The following ABCC3 variants were observed in gnomAD, a reference collection of about 807,000 sequenced individuals.
ABCC3 encodes the protein ATP binding cassette subfamily C member 3, also known as ATP-binding cassette sub-family C member 3.
Under a neutral mutation model 165.3 loss-of-function variants are expected in ABCC3, and 121 were observed. The observed-to-expected ratio is 0.73, with a 90% CI of 0.63 to 0.85. The LOEUF (loss-of-function observed/expected upper bound fraction) is 0.85, where lower values mean the gene tolerates loss of function less well. Ranked by LOEUF, ABCC3 falls within the 40% of genes least tolerant of loss-of-function variation. The pLI, the probability that ABCC3 is intolerant of heterozygous loss-of-function variation, is 0.00. For missense variants in ABCC3, 1,869 were observed against 1,964.1 expected (o/e 0.95, Z 0.92); for synonymous variants, 733 against 810.1 (o/e 0.90, Z 1.62).
rs756524566 is a variant in ABCC3 at position 50,667,726 on chromosome 17, C to T, written c.1604C>T (p.Thr535Ile). The T allele has an allele frequency of 1.2e-6, 2 of 1,614,084 alleles. No individual in the cohort carries two copies. Among genetic ancestry groups the T allele is most frequent in the Admixed American group, 3.3e-5 (2 of 60,026 alleles). ...ACGGCGGCCTACCTCCACACCACAA[C>T]CACCTTCACCTGGATGTGCAGCCCC... ...LRTAAYLHTT[T>I]TFTWMCSPFL... The change falls in exon 12 of 31, where the codon ACC becomes ATC. Residue 535 changes from threonine (T) to isoleucine (I), a missense_variant. Thr to Ile is a moderately conservative substitution (Grantham distance 89). Coordinates refer to ENST00000285238, the MANE Select transcript of ABCC3 (RefSeq NM_003786.4).
At chr17:50,665,116 G>A (rs780999683) in intron 10 of ABCC3, 37 bp from the exon 11 acceptor site, 3 of 1,581,090 alleles carry the variant, frequency 1.9e-6, no homozygotes, top group Admixed American at 3.3e-5. Context: ...TTGGTAATCT[G>A]TCCCTATGTG....
intron 26 of ABCC3, among the ~76,000 whole-genome samples, chr17:50,681,333 C>T (rs1232150734): frequency 6.6e-6 from 1 of 152,172 alleles, no homozygotes; most frequent in Non-Finnish European, 1.5e-5. Context: ...TTTAAACCCG[C>T]CTGTGTCTCC....
Position 50,667,703 on chromosome 17 carries a change from G to A in ABCC3, c.1581G>A (p.Thr527=), listed in dbSNP as rs11568603. 1.1e-5 allele frequency: 17 copies of A among 1,613,958 alleles called. No individual in the cohort carries two copies. Among genetic ancestry groups the A allele is most frequent in the East Asian group, 2.2e-5 (1 of 44,892 alleles). ...IRQGELQLLR[T]AAYLHTTTTF... ...AGGGTGAGCTCCAGCTGCTGCGCAC[G>A]GCGGCCTACCTCCACACCACAACCA... is the stretch of plus-strand genomic sequence containing the variant. The change falls in exon 12 of 31, where the codon ACG becomes ACA. Residue 527 remains threonine (T), a synonymous_variant. Transcript: ENST00000285238.
In ABCC3 at chr17:50,673,106, G is replaced by A. The variant is rs139106724; in HGVS notation, c.2377G>A (p.Val793Ile). Reference protein sequence around the residue: ...SHVAKHIFDHVIGPEGVLAGK... With the variant: ...SHVAKHIFDHIIGPEGVLAGK... ...TGTGGCCAAGCACATCTTTGACCAC[G>A]TCATCGGGCCAGAAGGCGTGCTGGC... Residue 793 changes from valine to isoleucine, a missense_variant, in exon 18 of 31, where the codon GTC becomes ATC. By Grantham distance (29) the Val-to-Ile change is conservative. Coordinates refer to ENST00000285238, the MANE Select transcript of ABCC3 (RefSeq NM_003786.4). The A allele has an allele frequency of 1.0e-4, 168 of 1,614,002 alleles. No individual in the cohort carries two copies. The highest frequency in any genetic ancestry group is 1.2e-4 in the Non-Finnish European group (142 of 1,180,050).
At chr17:50,654,622 TC>T (rs1244679417) in intron 1 of ABCC3, among the ~76,000 whole-genome samples, 3 of 152,150 alleles carry the variant, frequency 2.0e-5, no homozygotes, top group Admixed American at 6.5e-5. Context: ...TTCCTGTGAG[TC>T]TCAAATCCAC....
chr17:50,644,350 G>T (rs971660018), intron 1 of ABCC3, among the ~76,000 whole-genome samples: 2 of 150,450 alleles, frequency 1.3e-5, no homozygotes, highest in Admixed American at 1.3e-4. Context: ...GGGAAGGCAG[G>T]CTGGGGAGGT....
intron 22 of ABCC3, 28 bp downstream of exon 22, chr17:50,676,118 G>A: frequency 2.5e-6 from 4 of 1,612,130 alleles, no homozygotes; most frequent in Non-Finnish European, 3.4e-6. Flanking sequence ...TCCAGAAGGG[G>A]CTCCAATATC....
At chr17:50,685,570 TATTTCAAC>T (rs1399646759) in intron 29 of ABCC3, among the ~76,000 whole-genome samples, 2 of 152,178 alleles carry the variant, frequency 1.3e-5, no homozygotes, top group African/African-American at 4.8e-5. Context: ...TCTAAAATAT[TATTTCAAC>T]ACATCATTGA....
chr17:50,659,238 A>G lies in ABCC3; in HGVS notation c.676A>G (p.Met226Val), dbSNP rs764568095. The G allele has an allele frequency of 3.7e-6, 6 of 1,613,366 alleles. No individual in the cohort carries two copies. Among genetic ancestry groups the G allele is most frequent in the Non-Finnish European group, 4.2e-6 (5 of 1,179,656 alleles). Residue 226 changes from methionine to valine, a missense_variant and splice_region_variant, in exon 7 of 31, where the codon ATG becomes GTG. Transcript: ENST00000285238. ...CTGCCGGGCTTCACCTCCCCCCAGG[A>G]TGGCCATCTATGGCTACCGGCATCC... is the stretch of plus-strand genomic sequence containing the variant. ...SRLFFWWFTK[M>V]AIYGYRHPLE...
chr17:50,676,885 TTGGG>T (rs56393803), intron 23 of ABCC3, among the ~76,000 whole-genome samples: 45,954 of 99,314 alleles, frequency 0.46, 8,293 homozygotes, highest in South Asian at 0.63. Context: ...CTTTTTTTTT[TTGGG>T]GGGGGGGGGA....
intron 1 of ABCC3, chr17:50,635,585 C>T (rs1307506397): frequency 1.4e-6 from 1 of 702,572 alleles, no homozygotes; most frequent in Admixed American, 2.0e-5. Context: ...GAGAAGCAGA[C>T]CCCAGTCTGG....
At position 50,683,760 on chromosome 17, in the gene ABCC3, C is replaced by A; in HGVS notation, c.3954+4C>A. The A allele has an allele frequency of 6.2e-7, 1 of 1,602,786 alleles. No individual in the cohort carries two copies. Among genetic ancestry groups the A allele is most frequent in the Non-Finnish European group, 8.5e-7 (1 of 1,176,006 alleles). On this transcript the variant is annotated splice_donor_region_variant and intron_variant, in intron 27 of 30. Transcript: ENST00000285238. The stretch of plus-strand genomic sequence containing the variant: ...GCATGTGCACGGTGGCGAGAAGGTA[C>A]GCGTGGGGTAGGCGGGCCTGCGTGT...
chr17:50,654,610 G>T (rs1382801079), intron 1 of ABCC3, among the ~76,000 whole-genome samples: 1 of 152,074 alleles, frequency 6.6e-6, no homozygotes, highest in Non-Finnish European at 1.5e-5. Flanking sequence ...CATATCCTTT[G>T]GTTCCTGTGA....
chr17:50,674,699 T>C (rs912239890), intron 19 of ABCC3, among the ~76,000 whole-genome samples: 15 of 152,142 alleles, frequency 9.9e-5, no homozygotes, highest in Admixed American at 2.0e-4. Flanking sequence ...TTCTTGCCTA[T>C]GGCTATACAT....
chr17:50,635,064 G>C, intron 1 of ABCC3, 83 bp downstream of exon 1: 1 of 1,228,948 alleles, frequency 8.1e-7, no homozygotes, highest in South Asian at 3.6e-5. Flanking sequence ...CCTTCCCGCG[G>C]GGCCGGCAGG....
In ABCC3 at chr17:50,678,169, A is replaced by G. The variant is rs1967865541; in HGVS notation, c.3655A>G (p.Ser1219Gly). The change falls in exon 25 of 31, where the codon AGC (serine) becomes GGC (glycine). Residue 1219 changes from serine to glycine, a missense_variant. By Grantham distance (56) the Ser-to-Gly change is moderately conservative. Transcript: ENST00000285238. ...FAALFAVIGR[S>G]SLNPGLVGLS... is the part of the protein sequence containing the mutation. ...TGCACTATTTGCCGTCATCGGGAGGAGCAGCCTGAACCCGGGGCTGGTGGG... is the reference window on the plus strand; with the variant it reads ...TGCACTATTTGCCGTCATCGGGAGGGGCAGCCTGAACCCGGGGCTGGTGGG... The G allele has an allele frequency of 6.5e-7, 1 of 1,549,092 alleles. No homozygotes were observed. The highest frequency in any genetic ancestry group is 8.7e-7 in the Non-Finnish European group (1 of 1,147,958).
At chr17:50,658,287 A>C in intron 5 of ABCC3, 80 bp downstream of exon 5, 2 of 1,605,428 alleles carry the variant, frequency 1.2e-6, no homozygotes, top group Non-Finnish European at 1.7e-6. Flanking sequence ...CAACCCCTCC[A>C]GTTCCTTTCA....
At chr17:50,669,303 C>T in intron 16 of ABCC3, 37 bp downstream of exon 16, 1 of 1,614,112 alleles carries the variant, frequency 6.2e-7, no homozygotes, top group South Asian at 1.1e-5. Context: ...GGGTGTGGGG[C>T]TCAGCCAGGC....
At chr17:50,652,822 C>T (rs1468573022) in intron 1 of ABCC3, among the ~76,000 whole-genome samples, 2 of 152,162 alleles carry the variant, frequency 1.3e-5, no homozygotes, top group African/African-American at 4.8e-5. Flanking sequence ...TGCTCCTGGA[C>T]CCAGTCCTAC....
Sources: allele counts gnomAD v4.1 joint callset (sites outside exome capture counted in the v4.1 genomes callset), GRCh38; gene constraint gnomAD v4.1.1; transcripts MANE v1.5; gene names NCBI Gene and HGNC (gene_info 2026-07-23, HGNC 2026-07-21).